Variants in PCDHA5 observed in about 807,000 individuals in gnomAD.
The protein encoded by PCDHA5 is protocadherin alpha-5.
Under a neutral mutation model 61.6 loss-of-function variants are expected in PCDHA5, and 43 were observed. The ratio of observed to expected loss-of-function variants is 0.70; its 90% CI spans 0.55 to 0.90. The LOEUF (loss-of-function observed/expected upper bound fraction) is 0.90. Among genes scored for constraint, PCDHA5 ranks in the 40% least tolerant of loss-of-function variants. The pLI is 0.00. For synonymous variants in PCDHA5, 627 were observed against 543.9 expected (o/e 1.15, Z -2.13); for missense variants, 1,298 against 1,222.7 (o/e 1.06, Z -0.92).
intron 1 of PCDHA5, chr5:140,882,721 A>G: frequency 6.2e-7 from 1 of 1,614,170 alleles, no homozygotes; most frequent in East Asian, 2.2e-5. Context: ...CGGAAACTCG[A>G]TTTCCACTAG....
intron 1 of PCDHA5, chr5:140,836,789 T>C (rs2150269874): frequency 4.9e-6 from 7 of 1,427,046 alleles, no homozygotes; most frequent in East Asian, 2.3e-5. Context: ...ATTAGTTCAA[T>C]TGGTCTCCTT....
At chr5:140,938,881 A>T (rs2092243650) in intron 1 of PCDHA5, among the ~76,000 whole-genome samples, 1 of 152,088 alleles carries the variant, frequency 6.6e-6, no homozygotes, top group South Asian at 2.1e-4. Context: ...GAAGCAACAC[A>T]CACACACACA....
intron 1 of PCDHA5, chr5:140,841,804 T>C (rs2150322982): frequency 1.2e-6 from 2 of 1,613,912 alleles, no homozygotes; most frequent in Non-Finnish European, 1.7e-6. Context: ...CCGATGCAGA[T>C]GTTGGAGCTA....
intron 1 of PCDHA5, among the ~76,000 whole-genome samples, chr5:140,832,961 A>G (rs1772233223): frequency 6.6e-6 from 1 of 152,194 alleles, no homozygotes; most frequent in African/African-American, 2.4e-5. Context: ...TATACAGAAA[A>G]TTCCAAATGT....
rs571391051 is a variant in PCDHA5 at position 140,964,645 on chromosome 5, A to G, written c.2353-14304A>G. Among the ~76,000 whole-genome samples the G allele has an allele frequency of 4.6e-5, 7 of 152,152 alleles. No individual in the cohort carries two copies. The East Asian group carries it at 7.7e-4, about 17-fold the overall frequency. ...TATAAGCCATTTATTTTCAGAAACA[A>G]GTAATGGGTGAGGACACAGGCCAGG... is the stretch of plus-strand genomic sequence containing the variant. On this transcript the variant is annotated intron_variant, in intron 1 of 3. Coordinates refer to ENST00000529859, the MANE Select transcript of PCDHA5 (RefSeq NM_018908.3).
At chr5:140,895,709 A>G (rs763607157) in intron 1 of PCDHA5, among the ~76,000 whole-genome samples, 2 of 152,208 alleles carry the variant, frequency 1.3e-5, no homozygotes, top group African/African-American at 2.4e-5. Flanking sequence ...CACTTGGGAT[A>G]ATGGCCTGCA....
intron 1 of PCDHA5, among the ~76,000 whole-genome samples, chr5:140,920,841 T>TA (rs781921146): frequency 0.047 from 5,179 of 109,134 alleles, 120 homozygotes; most frequent in African/African-American, 0.092. Flanking sequence ...AGACCAAATC[T>TA]AAAAAAAAAA....
chr5:140,891,885 C>T (rs546305739), intron 1 of PCDHA5, among the ~76,000 whole-genome samples: 22 of 152,288 alleles, frequency 1.4e-4, no homozygotes, highest in African/African-American at 2.2e-4. Context: ...TGTCATGTGA[C>T]GATGCAGCAA....
chr5:140,830,327 G>C (rs2150185000), intron 1 of PCDHA5: 1 of 1,614,032 alleles, frequency 6.2e-7, no homozygotes, highest in Non-Finnish European at 8.5e-7. Flanking sequence ...CAGCGCAGTG[G>C]GGAGCTGGTC....
At chr5:140,825,589 A>AT (rs1554130291) in intron 1 of PCDHA5, 2 of 151,442 alleles carry the variant, frequency 1.3e-5, no homozygotes, top group African/African-American at 4.9e-5. Context: ...CACCTGGCTA[A>AT]TTTTTTGTAT....
At chr5:140,870,401 C>A in intron 1 of PCDHA5, 1 of 1,614,252 alleles carries the variant, frequency 6.2e-7, no homozygotes, top group Non-Finnish European at 8.5e-7. Context: ...GGTTCGCCTT[C>A]TCTGTGGGCC....
At chr5:140,922,866 G>GA (rs557650266) in intron 1 of PCDHA5, among the ~76,000 whole-genome samples, 1 of 152,096 alleles carries the variant, frequency 6.6e-6, no homozygotes. Flanking sequence ...TAGACAAGGG[G>GA]AAAAAATCCA....
rs1207505503 is a variant in PCDHA5, at chr5:140,823,639, C to G, written c.1864C>G (p.Arg622Gly). Residue 622 changes from arginine (R) to glycine (G), a missense_variant, in exon 1 of 4, where the codon CGC (arginine) becomes GGC (glycine). Physicochemically the swap from Arg to Gly is moderately radical, Grantham distance 125. Coordinates refer to ENST00000529859, the MANE Select transcript of PCDHA5 (RefSeq NM_018908.3). The stretch of plus-strand genomic sequence containing the variant: ...GCCTGGCAGTGCGCGCATCCCGTTC[C>G]GCGTGGGGCTGTACACAGGCGAGAT... Reference protein sequence around the residue: ...PAPGSARIPFRVGLYTGEIST... With the variant: ...PAPGSARIPFGVGLYTGEIST... 6.2e-7 allele frequency: 1 copy of G among 1,613,894 alleles called. No individual in the cohort carries two copies. The highest frequency in any genetic ancestry group is 1.1e-5 in the South Asian group (1 of 91,088).
chr5:140,967,111 T>G, intron 1 of PCDHA5: 1 of 1,612,990 alleles, frequency 6.2e-7, no homozygotes, highest in East Asian at 2.2e-5. Context: ...AGCAGCGGCC[T>G]CGCTGCCTGC....
intron 1 of PCDHA5, chr5:140,860,787 G>A (rs1038488180): frequency 5.9e-5 from 9 of 152,154 alleles, no homozygotes; most frequent in African/African-American, 2.2e-4. Flanking sequence ...GCCCAGGCTG[G>A]AGTGCAGTGG....
intron 1 of PCDHA5, among the ~76,000 whole-genome samples, chr5:140,917,338 G>GGGGGGGGTGGGT (rs2078134893): frequency 7.3e-6 from 1 of 137,894 alleles, no homozygotes; most frequent in Non-Finnish European, 1.6e-5. Flanking sequence ...GGAGGGGGGG[G>GGGGGGGGTGGGT]ATGGTGTAGG....
At chr5:140,942,907 C>T (rs990206907) in intron 1 of PCDHA5, among the ~76,000 whole-genome samples, 14 of 151,044 alleles carry the variant, frequency 9.3e-5, no homozygotes, top group Non-Finnish European at 1.6e-4. Flanking sequence ...TAAGAATAAG[C>T]GTGAAGAAAA....
intron 1 of PCDHA5, among the ~76,000 whole-genome samples, chr5:140,933,965 T>A (rs1400091615): frequency 2.6e-5 from 4 of 152,064 alleles, no homozygotes; most frequent in Non-Finnish European, 5.9e-5. Flanking sequence ...GTAGTGATGT[T>A]TCCCTTTTCA....
intron 1 of PCDHA5, among the ~76,000 whole-genome samples, chr5:140,948,862 C>T (rs1419321480): frequency 6.6e-6 from 1 of 151,398 alleles, no homozygotes; most frequent in Admixed American, 6.6e-5. Context: ...TCTTATATTA[C>T]TTCGGGTTTA....
Sources: gnomAD v4.1 joint callset for allele counts (sites outside exome capture counted in the v4.1 genomes callset) on GRCh38, gnomAD v4.1.1 for gene constraint, MANE v1.5 for transcripts, NCBI Gene and HGNC (gene_info 2026-07-23, HGNC 2026-07-21) for gene names.